GNA12: variants seen among roughly 807,000 people sequenced by gnomAD.
The protein encoded by GNA12 is guanine nucleotide-binding protein subunit alpha-12.
Under a neutral mutation model 26.0 loss-of-function variants are expected in GNA12, and 9 were observed. The observed-to-expected ratio is 0.35, with a 90% CI of 0.21 to 0.60. The LOEUF (loss-of-function observed/expected upper bound fraction) is 0.60, where lower values mean the gene tolerates loss of function less well. GNA12 is among the 20% of genes least tolerant of loss of function. The pLI is 0.78. For synonymous variants in GNA12, 264 were observed against 219.6 expected, an observed-to-expected ratio of 1.20 and a Z score of -1.79; for missense variants, 405 against 525.8, an observed-to-expected ratio of 0.77 and a Z score of 2.25.
intron 2 of GNA12, among the ~76,000 whole-genome samples, chr7:2,784,089 C>A (rs546222181): frequency 1.3e-5 from 2 of 152,266 alleles, no homozygotes; most frequent in East Asian, 3.9e-4. Flanking sequence ...ATTTTTATCT[C>A]ATTTTATTTA....
intron 1 of GNA12, among the ~76,000 whole-genome samples, chr7:2,843,279 C>T (rs1779056039): frequency 6.6e-6 from 1 of 152,120 alleles, no homozygotes; most frequent in South Asian, 2.1e-4. Context: ...GGGCTAAGTG[C>T]CAAGCCCCCA....
intron 2 of GNA12, among the ~76,000 whole-genome samples, chr7:2,738,541 G>A (rs896163487): frequency 1.3e-5 from 2 of 152,024 alleles, no homozygotes; most frequent in East Asian, 1.9e-4. Context: ...AATGGCGGGA[G>A]ACTAAAACCC....
At chr7:2,799,975 A>G (rs942564882) in intron 1 of GNA12, among the ~76,000 whole-genome samples, 16 of 152,244 alleles carry the variant, frequency 1.1e-4, no homozygotes, top group Admixed American at 8.5e-4. Flanking sequence ...GGGTGGATTT[A>G]TAACTACTAA....
chr7:2,740,805 G>C (rs1301102676), intron 2 of GNA12, among the ~76,000 whole-genome samples: 2 of 152,188 alleles, frequency 1.3e-5, no homozygotes, highest in Non-Finnish European at 2.9e-5. Context: ...AGCACTTTGG[G>C]AGGCCGAGGC....
intron 2 of GNA12, among the ~76,000 whole-genome samples, chr7:2,789,063 C>T (rs544747461): frequency 6.6e-6 from 1 of 151,556 alleles, no homozygotes; most frequent in Non-Finnish European, 1.5e-5. Flanking sequence ...AGTGATCCAC[C>T]TGCCTTGGCC....
chr7:2,783,967 A>C (rs907281872), intron 2 of GNA12, among the ~76,000 whole-genome samples: 1 of 152,098 alleles, frequency 6.6e-6, no homozygotes, highest in Admixed American at 6.6e-5. Context: ...TTACAGGCGT[A>C]AGCCACCATG....
chr7:2,762,843 T>A, intron 2 of GNA12: 2 of 1,487,012 alleles, frequency 1.3e-6, no homozygotes, highest in South Asian at 1.3e-5. Flanking sequence ...TCAGCGCGGC[T>A]CCGAAGCAGG....
At chr7:2,818,718 G>A (rs1203304241) in intron 1 of GNA12, among the ~76,000 whole-genome samples, 4 of 150,196 alleles carry the variant, frequency 2.7e-5, no homozygotes, top group Middle Eastern at 3.4e-3. Flanking sequence ...AGCCGAGATC[G>A]CGCCACTACA....
intron 1 of GNA12, among the ~76,000 whole-genome samples, chr7:2,816,648 T>C (rs1232896136): frequency 1.3e-5 from 2 of 152,216 alleles, no homozygotes; most frequent in African/African-American, 2.4e-5. Context: ...ACAAATTGAA[T>C]AATTATCCAG....
rs980087217 is a variant in GNA12, at chr7:2,760,788, G to C, written c.526-27287C>G. On this transcript the variant is annotated intron_variant, in intron 2 of 3. Coordinates refer to ENST00000275364, the MANE Select transcript of GNA12 (RefSeq NM_007353.3). ...GACAGCGTCGAGCTCCCTACTGCTG[G>C]ACCGTCCCAGCTGCGTGGCTTTACC... 2.0e-5 allele frequency among the ~76,000 whole-genome samples: 3 copies of C among 152,186 alleles called. No individual in the cohort carries two copies. The East Asian group carries it at 5.8e-4, about 29-fold the overall frequency.
At chr7:2,742,984 T>C (rs893213527) in intron 2 of GNA12, among the ~76,000 whole-genome samples, 1 of 152,250 alleles carries the variant, frequency 6.6e-6, no homozygotes, top group Non-Finnish European at 1.5e-5. Flanking sequence ...GCCACAGGCA[T>C]GGTGGTGTGT....
rs184008110 is a variant in GNA12, at chr7:2,746,113, A to G, written c.526-12612T>C. Among the ~76,000 whole-genome samples the G allele has an allele frequency of 3.5e-3, 533 of 152,326 alleles. 5 individuals carry two copies. Among genetic ancestry groups the G allele is most frequent in the Admixed American group, 6.5e-3 (100 of 15,302 alleles). On this transcript the variant is annotated intron_variant, in intron 2 of 3. Coordinates refer to ENST00000275364, the MANE Select transcript of GNA12 (RefSeq NM_007353.3). ...ACTGTCAACATTAGACAGATCAACG[A>G]GACAGAAAGTTAACAAGGATACCCA...
At chr7:2,809,784 C>G (rs961824508) in intron 1 of GNA12, among the ~76,000 whole-genome samples, 4 of 152,014 alleles carry the variant, frequency 2.6e-5, no homozygotes, top group Admixed American at 2.0e-4. Flanking sequence ...TTTCACACAT[C>G]TGTAAATATG....
intron 2 of GNA12, among the ~76,000 whole-genome samples, chr7:2,785,776 A>G (rs1181817775): frequency 1.3e-5 from 2 of 152,144 alleles, no homozygotes; most frequent in Non-Finnish European, 2.9e-5. Flanking sequence ...AAAAGGTACA[A>G]TGGCTCATGC....
chr7:2,803,954 C>T (rs923451404), intron 1 of GNA12, among the ~76,000 whole-genome samples: 6 of 152,226 alleles, frequency 3.9e-5, no homozygotes, highest in South Asian at 4.1e-4. Flanking sequence ...AACCCCCACC[C>T]GCCAGCCATG....
chr7:2,762,909 G>A (rs931005904), intron 2 of GNA12: 3 of 1,417,870 alleles, frequency 2.1e-6, no homozygotes, highest in African/African-American at 2.9e-5. Flanking sequence ...GCGGGGAGAA[G>A]AGGCCACAGG....
chr7:2,770,998 A>G (rs1298845177), intron 2 of GNA12, among the ~76,000 whole-genome samples: 1 of 152,202 alleles, frequency 6.6e-6, no homozygotes, highest in Non-Finnish European at 1.5e-5. Flanking sequence ...AATTATTAAA[A>G]TCAAAGAAAA....
chr7:2,781,235 T>G (rs960689437), intron 2 of GNA12, among the ~76,000 whole-genome samples: 2 of 152,212 alleles, frequency 1.3e-5, no homozygotes, highest in Admixed American at 6.5e-5. Flanking sequence ...GTCAAATTAT[T>G]AATCTTTTCC....
chr7:2,838,213 GA>G (rs1778893672), intron 1 of GNA12, among the ~76,000 whole-genome samples: 1 of 151,176 alleles, frequency 6.6e-6, no homozygotes, highest in Non-Finnish European at 1.5e-5. Context: ...AGGAGACTGG[GA>G]TAAGTTACAT....
Sources: allele counts gnomAD v4.1 joint callset (sites outside exome capture counted in the v4.1 genomes callset), GRCh38; gene constraint gnomAD v4.1.1; transcripts MANE v1.5; gene names NCBI Gene and HGNC (gene_info 2026-07-23, HGNC 2026-07-21).